Variants in CACNA1I observed in about 807,000 individuals in gnomAD.
CACNA1I encodes the protein calcium voltage-gated channel subunit alpha1 I, also known as voltage-dependent T-type calcium channel subunit alpha-1I.
CACNA1I carries 74 observed loss-of-function variants against 201.6 expected under a neutral mutation model. The observed-to-expected ratio is 0.37, with a 90% CI of 0.30 to 0.45. CACNA1I has a LOEUF of 0.45. CACNA1I is among the 20% of genes least tolerant of loss of function. The pLI, the probability that CACNA1I is intolerant of heterozygous loss-of-function variation, is 1.00. For synonymous variants in CACNA1I, 1,431 were observed against 1,345.2 expected, an observed-to-expected ratio of 1.06 and a Z score of -1.40; for missense variants, 2,346 against 3,138.1, an observed-to-expected ratio of 0.75 and a Z score of 6.03.
chr22:39,657,800 G>A (rs1934870971), intron 10 of CACNA1I, among the ~76,000 whole-genome samples: 2 of 152,202 alleles, frequency 1.3e-5, no homozygotes. Flanking sequence ...GTCTTGCTCT[G>A]CATCTTAGCC....
At position 39,686,276 on chromosome 22, in the gene CACNA1I, C is replaced by T; in HGVS notation, c.6543C>T (p.Ala2181=). ...AHGLARSPSW[A]ADRSKDPPGR... Reference sequence around the variant, plus strand: ...GCCTGGCCCGGAGCCCCTCGTGGGCCGCGGACCGCAGCAAGGACCCCCCCG... The same window carrying T: ...GCCTGGCCCGGAGCCCCTCGTGGGCTGCGGACCGCAGCAAGGACCCCCCCG... The change falls in exon 37 of 37, where the codon GCC becomes GCT. Residue 2181 remains alanine, a synonymous_variant. Transcript: ENST00000402142. 7.6e-7 allele frequency: 1 copy of T among 1,313,284 alleles called. No homozygotes were observed. The highest frequency in any genetic ancestry group is 9.7e-7 in the Non-Finnish European group (1 of 1,027,788). 81.4% of individuals were successfully genotyped at this position (1,313,284 alleles called of 1,614,324 possible). A position where few individuals can be genotyped will look rare whatever the true frequency, so the allele number is the denominator to read the frequency against.
chr22:39,636,908 C>T (rs981308033), intron 5 of CACNA1I, among the ~76,000 whole-genome samples: 7 of 152,206 alleles, frequency 4.6e-5, no homozygotes, highest in South Asian at 2.1e-4. Flanking sequence ...GGGCGTAACA[C>T]GCACAGGTGG....
chr22:39,601,668 C>T (rs1287294409), intron 3 of CACNA1I, among the ~76,000 whole-genome samples: 2 of 151,824 alleles, frequency 1.3e-5, no homozygotes, highest in Non-Finnish European at 2.9e-5. Context: ...CTTTTTGATT[C>T]AGTAGACGCA....
chr22:39,635,592 G>C (rs942227938), intron 5 of CACNA1I, among the ~76,000 whole-genome samples: 9 of 152,194 alleles, frequency 5.9e-5, no homozygotes, highest in African/African-American at 2.2e-4. Flanking sequence ...GGAACAGTAG[G>C]GTACCTGGGT....
Position 39,646,814 on chromosome 22 carries a change from G to T in CACNA1I, c.1395G>T (p.Gln465His). The change falls in exon 8 of 37, where the codon CAG (glutamine) becomes CAT (histidine). Residue 465 changes from glutamine to histidine, a missense_variant. This residue lies in a region of CACNA1I where 312 missense variants were observed against 331.5 expected (regional missense o/e 0.94). Transcript: ENST00000402142. ...ACCAGGCCCTGCAGAGCCGGCGCCA[G>T]GCCCTGGGCCCGGAGGCCCCGGCCC... The part of the protein sequence containing the change: ...GLYQALQSRR[Q>H]ALGPEAPAPA... The T allele has an allele frequency of 6.5e-7, 1 of 1,548,370 alleles. No individual in the cohort carries two copies. The highest frequency in any genetic ancestry group is 8.7e-7 in the Non-Finnish European group (1 of 1,146,434).
chr22:39,616,395 T>A (rs1252151592), intron 3 of CACNA1I, among the ~76,000 whole-genome samples: 2 of 152,158 alleles, frequency 1.3e-5, no homozygotes, highest in African/African-American at 4.8e-5. Context: ...CAGTCACAAC[T>A]TGTATCTCAT....
chr22:39,633,460 C>G (rs1363117304), intron 4 of CACNA1I, among the ~76,000 whole-genome samples: 1 of 152,166 alleles, frequency 6.6e-6, no homozygotes, highest in Non-Finnish European at 1.5e-5. Context: ...TGAGATTGCC[C>G]AGAGCAGAAG....
chr22:39,616,877 C>G (rs1192587170), intron 3 of CACNA1I, among the ~76,000 whole-genome samples: 1 of 152,116 alleles, frequency 6.6e-6, no homozygotes, highest in Non-Finnish European at 1.5e-5. Flanking sequence ...GGGCAGGGGC[C>G]ATGGTTGGTG....
intron 15 of CACNA1I, 72 bp from the exon 16 acceptor site, chr22:39,661,035 TC>T: frequency 8.3e-7 from 1 of 1,202,840 alleles, no homozygotes; most frequent in Non-Finnish European, 1.2e-6. Context: ...TTTGTCTGTC[TC>T]GTGGCTCCCT....
chr22:39,625,007 A>G (rs1019366591), intron 4 of CACNA1I, among the ~76,000 whole-genome samples: 1 of 150,368 alleles, frequency 6.7e-6, no homozygotes, highest in African/African-American at 2.5e-5. Context: ...CTCCCGGTTC[A>G]AGAGATTCTC....
At position 39,686,347 on chromosome 22, in the gene CACNA1I, C is replaced by T. The variant is rs1435361233; in HGVS notation, c.6614C>T (p.Pro2205Leu). 9 of 1,315,294 alleles carry T rather than the reference C, an allele frequency of 6.8e-6. No homozygotes were observed. Among genetic ancestry groups the T allele is most frequent in the Admixed American group, 3.8e-5 (1 of 26,618 alleles). 81.5% of individuals were successfully genotyped at this position (1,315,294 alleles called of 1,614,324 possible). ...PMGLGPLAPP[P>L]QPLPGELEPG... Reference sequence around the variant, plus strand: ...GGCCTGGGCCCCTTGGCGCCCCCGCCGCAACCGCTCCCCGGAGAGCTGGAG... The same window carrying T: ...GGCCTGGGCCCCTTGGCGCCCCCGCTGCAACCGCTCCCCGGAGAGCTGGAG... The change falls in exon 37 of 37, where the codon CCG becomes CTG. Residue 2205 changes from proline to leucine, a missense_variant. Around this residue, in one of 13 missense-constraint regions of CACNA1I, gnomAD observed 187 missense variants for 151.0 expected, o/e 1.24. Transcript: ENST00000402142.
Position 39,670,106 on chromosome 22 carries a change from T to C in CACNA1I, c.4263T>C (p.Phe1421=), listed in dbSNP as rs566815811. 3 of 1,613,842 alleles carry C rather than the reference T, an allele frequency of 1.9e-6. No individual in the cohort carries two copies. The highest frequency in any genetic ancestry group is 2.2e-5 in the East Asian group (1 of 44,892). Residue 1421 remains phenylalanine (F), a synonymous_variant, in exon 25 of 37, where the codon TTT becomes TTC. Coordinates refer to ENST00000402142, the MANE Select transcript of CACNA1I (RefSeq NM_021096.4). ...FISFLLIVSF[F]VLNMFVGVVV... ...CCTTCCTGCTCATCGTCAGCTTCTTTGTGCTCAACATGTTTGTGGGTGTCG... is the reference window on the plus strand; with the variant it reads ...CCTTCCTGCTCATCGTCAGCTTCTTCGTGCTCAACATGTTTGTGGGTGTCG...
In CACNA1I at chr22:39,661,989, G is replaced by A; in HGVS notation, c.2926G>A (p.Gly976Arg). ...GTCCAGCTCCCGGAGCTCCTACTAC[G>A]GGCCATGGGGCCGCAGCGCGGCCTG... ...SLSSSRSSYY[G>R]PWGRSAAWAS... is the part of the protein sequence containing the mutation. Residue 976 changes from glycine (G) to arginine (R), a missense_variant, in exon 17 of 37, where the codon GGG (glycine) becomes AGG (arginine). Transcript: ENST00000402142. The A allele has an allele frequency of 1.9e-6, 3 of 1,555,798 alleles. No homozygotes were observed. Among genetic ancestry groups the A allele is most frequent in the South Asian group, 1.2e-5 (1 of 84,434 alleles).
chr22:39,594,412 T>G (rs528055591), intron 1 of CACNA1I, among the ~76,000 whole-genome samples: 63 of 152,206 alleles, frequency 4.1e-4, no homozygotes, highest in Non-Finnish European at 8.2e-4. Flanking sequence ...GTAATTAGAA[T>G]GTTCGAACTT....
chr22:39,647,445 G>A (rs554116148), intron 8 of CACNA1I, among the ~76,000 whole-genome samples: 7 of 152,288 alleles, frequency 4.6e-5, no homozygotes, highest in Admixed American at 3.3e-4. Context: ...TTGTTGTTAA[G>A]ACAGGGTCAC....
Position 39,661,946 on chromosome 22 carries a change from G to C in CACNA1I, c.2902-19G>C, listed in dbSNP as rs1351441796. ...GGGTGTGCCTGTGGGGCGCTGACCCGAACGGGAACTCCTTCCAGTCCAGCT... is the reference window on the plus strand; with the variant it reads ...GGGTGTGCCTGTGGGGCGCTGACCCCAACGGGAACTCCTTCCAGTCCAGCT... On this transcript the variant is annotated intron_variant, in intron 16 of 36. Transcript: ENST00000402142. The C allele has an allele frequency of 6.8e-7, 1 of 1,480,986 alleles. No homozygotes were observed. The highest frequency in any genetic ancestry group is 9.0e-7 in the Non-Finnish European group (1 of 1,115,060). 91.7% of individuals were successfully genotyped at this position (1,480,986 alleles called of 1,614,324 possible).
At chr22:39,638,885 C>G (rs571787460) in intron 5 of CACNA1I, among the ~76,000 whole-genome samples, 1 of 152,150 alleles carries the variant, frequency 6.6e-6, no homozygotes, top group Admixed American at 6.5e-5. Flanking sequence ...ACCTAGATCT[C>G]TTGAGTGTGA....
intron 1 of CACNA1I, among the ~76,000 whole-genome samples, chr22:39,588,977 G>A (rs775385798): frequency 1.3e-5 from 2 of 152,252 alleles, no homozygotes; most frequent in African/African-American, 2.4e-5. Context: ...TACTCCATGC[G>A]GGCTTCTCAT....
At chr22:39,673,542 G>A (rs1935435477) in intron 28 of CACNA1I, among the ~76,000 whole-genome samples, 1 of 152,200 alleles carries the variant, frequency 6.6e-6, no homozygotes, top group South Asian at 2.1e-4. Flanking sequence ...TCCTGCCTCA[G>A]GGCGAGCCCA....
Sources: allele counts gnomAD v4.1 joint callset (sites outside exome capture counted in the v4.1 genomes callset), GRCh38; gene constraint gnomAD v4.1.1; regional missense constraint gnomAD v4.1.1; transcripts MANE v1.5; gene names NCBI Gene and HGNC (gene_info 2026-07-23, HGNC 2026-07-21).